The following SLC1A7 variants were observed in gnomAD, a reference collection of about 807,000 sequenced individuals.
The protein encoded by SLC1A7 is excitatory amino acid transporter 5.
SLC1A7 carries 40 observed loss-of-function variants against 47.7 expected under a neutral mutation model. The observed-to-expected ratio is 0.84, with a 90% confidence interval of 0.65 to 1.09. The LOEUF is 1.09. SLC1A7 is among the 50% of genes least tolerant of loss of function. The probability of loss-of-function intolerance (pLI) is 0.00; values close to 1 mark genes in which losing one functional copy is unlikely to be tolerated. For missense variants in SLC1A7, 746 were observed against 769.5 expected, an observed-to-expected ratio of 0.97 and a Z score of 0.36; for synonymous variants, 323 against 325.6, an observed-to-expected ratio of 0.99 and a Z score of 0.09.
At chr1:53,135,817 G>T (rs1334537675) in intron 1 of SLC1A7, among the ~76,000 whole-genome samples, 2 of 152,188 alleles carry the variant, frequency 1.3e-5, no homozygotes, top group African/African-American at 2.4e-5. Flanking sequence ...AGAGGGTGAG[G>T]TTGTGGGCGA....
At position 53,114,773 on chromosome 1, in the gene SLC1A7, A is replaced by C. The variant is rs1644738164; in HGVS notation, c.416T>G (p.Leu139Arg). ...CAATAGTTACCGGATGAGGTCCAAC[A>C]GGGCATCGGCTGAGCTCATGATGGG... is the stretch of plus-strand genomic sequence containing the variant. ...GKPIMSSADA[L>R]LDLIRNMFPA... is the part of the protein sequence containing the mutation. Residue 139 changes from leucine (L) to arginine (R), a missense_variant, in exon 3 of 11, where the codon CTG becomes CGG. Coordinates refer to ENST00000371494, the MANE Select transcript of SLC1A7 (RefSeq NM_006671.6). 1 of 1,613,864 alleles carries C rather than the reference A, an allele frequency of 6.2e-7. No homozygotes were observed. Among genetic ancestry groups the C allele is most frequent in the East Asian group, 2.2e-5 (1 of 44,898 alleles).
At chr1:53,094,844 C>A (rs1327417971) in intron 5 of SLC1A7, among the ~76,000 whole-genome samples, 2 of 152,222 alleles carry the variant, frequency 1.3e-5, no homozygotes, top group Admixed American at 6.5e-5. Context: ...GTGCATGGAA[C>A]CCTAGTGTGG....
In SLC1A7 at chr1:53,089,820, G is replaced by A. The variant is rs1644399521; in HGVS notation, c.1341C>T (p.Ile447=). 1.2e-6 allele frequency: 2 copies of A among 1,614,044 alleles called. No individual in the cohort carries two copies. The highest frequency in any genetic ancestry group is 1.7e-5 in the Admixed American group (1 of 60,026). Residue 447 remains isoleucine (I), a synonymous_variant, in exon 9 of 11, where the codon ATC becomes ATT. Transcript: ENST00000371494. ...CTCACAGAGCCCAGTCAACGGCAAT[G>A]ATGAGGGTGATGTCATCGGTGGGCA... ...VGLPTDDITL[I]IAVDWALDRF...
chr1:53,106,924 G>A (rs1644648857), intron 3 of SLC1A7, among the ~76,000 whole-genome samples: 1 of 152,088 alleles, frequency 6.6e-6, no homozygotes, highest in African/African-American at 2.4e-5. Context: ...GGAGGCCAAG[G>A]TGGGCACATC....
chr1:53,133,933 G>T (rs1200657102), intron 2 of SLC1A7, among the ~76,000 whole-genome samples: 1 of 152,178 alleles, frequency 6.6e-6, no homozygotes, highest in African/African-American at 2.4e-5. Flanking sequence ...CTGAGGCGTA[G>T]AGAGGTGAGG....
chr1:53,096,018 A>G (rs1369885973), intron 5 of SLC1A7, among the ~76,000 whole-genome samples: 1 of 120,280 alleles, frequency 8.3e-6, no homozygotes, highest in African/African-American at 3.3e-5. Context: ...CACTCACTCC[A>G]CCTCAGTACA....
chr1:53,093,432 G>C, intron 6 of SLC1A7, 29 bp downstream of exon 6: 1 of 1,556,262 alleles, frequency 6.4e-7, no homozygotes. Flanking sequence ...GGGCTGGCCG[G>C]GGTGAGGTGG....
intron 2 of SLC1A7, among the ~76,000 whole-genome samples, chr1:53,131,134 A>G (rs922367651): frequency 1.3e-5 from 2 of 152,174 alleles, no homozygotes; most frequent in African/African-American, 4.8e-5. Context: ...TTAATATCAC[A>G]TGCATTTCCA....
chr1:53,119,956 G>A (rs1644801746), intron 2 of SLC1A7, among the ~76,000 whole-genome samples: 1 of 152,192 alleles, frequency 6.6e-6, no homozygotes, highest in African/African-American at 2.4e-5. Flanking sequence ...GAGCACCTGC[G>A]GTGTTTGAGG....
chr1:53,126,162 T>A (rs534652094), intron 2 of SLC1A7, among the ~76,000 whole-genome samples: 1 of 152,236 alleles, frequency 6.6e-6, no homozygotes, highest in South Asian at 2.1e-4. Context: ...GAGGCCGTGA[T>A]CTAAAACACC....
intron 3 of SLC1A7, among the ~76,000 whole-genome samples, chr1:53,114,125 C>T (rs561617979): frequency 1.3e-5 from 2 of 152,090 alleles, no homozygotes; most frequent in Non-Finnish European, 1.5e-5. Context: ...GGTGAGGGAG[C>T]GAATGCACGA....
At chr1:53,106,553 T>C (rs1644644037) in intron 3 of SLC1A7, among the ~76,000 whole-genome samples, 1 of 148,696 alleles carries the variant, frequency 6.7e-6, no homozygotes, top group East Asian at 2.0e-4. Context: ...TGAGCCGAGA[T>C]CGCGCCACTG....
chr1:53,092,371 C>T (rs1572293864), intron 7 of SLC1A7, among the ~76,000 whole-genome samples, 183 bp downstream of exon 7: 1 of 152,228 alleles, frequency 6.6e-6, no homozygotes, highest in Non-Finnish European at 1.5e-5. Context: ...GGAGAGGCCT[C>T]GACAAAGGCC....
At chr1:53,129,691 A>T (rs1644922028) in intron 2 of SLC1A7, among the ~76,000 whole-genome samples, 1 of 141,342 alleles carries the variant, frequency 7.1e-6, no homozygotes. Flanking sequence ...TGTGCCTGTG[A>T]CCCCTCCATG....
intron 2 of SLC1A7, among the ~76,000 whole-genome samples, chr1:53,124,735 G>A (rs1200935197): frequency 1.3e-5 from 2 of 152,234 alleles, no homozygotes; most frequent in Non-Finnish European, 2.9e-5. Context: ...TATGGCTGAG[G>A]CTAAGAGGGT....
intron 3 of SLC1A7, among the ~76,000 whole-genome samples, chr1:53,108,815 T>C (rs570097178): frequency 6.6e-6 from 1 of 152,314 alleles, no homozygotes; most frequent in African/African-American, 2.4e-5. Context: ...AAACCTTACC[T>C]TACTTAAGCC....
At chr1:53,105,004 A>C (rs1311709945) in intron 4 of SLC1A7, among the ~76,000 whole-genome samples, 1 of 152,248 alleles carries the variant, frequency 6.6e-6, no homozygotes, top group East Asian at 1.9e-4. Context: ...TAGTACCACT[A>C]AACATTGTAC....
chr1:53,107,318 G>A (rs1389526882), intron 3 of SLC1A7, among the ~76,000 whole-genome samples: 4 of 152,004 alleles, frequency 2.6e-5, no homozygotes, highest in Non-Finnish European at 4.4e-5. Context: ...ATCCCTAAGC[G>A]CAACATAGCA....
chr1:53,134,283 G>A (rs1310557128), intron 2 of SLC1A7, 67 bp downstream of exon 2: 1 of 1,160,366 alleles, frequency 8.6e-7, no homozygotes, highest in Non-Finnish European at 1.3e-6. Flanking sequence ...AGCAGGAGCA[G>A]GGCAGCAACA....
Sources: allele counts gnomAD v4.1 joint callset (sites outside exome capture counted in the v4.1 genomes callset), GRCh38; gene constraint gnomAD v4.1.1; transcripts MANE v1.5; gene names NCBI Gene and HGNC (gene_info 2026-07-23, HGNC 2026-07-21).